SSC5D: variants seen among roughly 807,000 people sequenced by gnomAD.
SSC5D encodes the protein scavenger receptor cysteine rich family member with 5 domains.
Under a neutral mutation model 104.6 loss-of-function variants are expected in SSC5D, and 106 were observed. The ratio of observed to expected loss-of-function variants is 1.01; its 90% CI spans 0.87 to 1.19. The LOEUF is 1.19. Ranked by LOEUF, SSC5D falls within the 50% of genes most tolerant of loss-of-function variation. The probability of loss-of-function intolerance (pLI) is 0.00; values close to 1 mark genes in which losing one functional copy is unlikely to be tolerated. For missense variants in SSC5D, 1,993 were observed against 2,153.8 expected, an observed-to-expected ratio of 0.93 and a Z score of 1.48; for synonymous variants, 860 against 883.5, an observed-to-expected ratio of 0.97 and a Z score of 0.47.
Position 55,488,731 on chromosome 19 carries a change from C to T in SSC5D, c.25+117C>T, listed in dbSNP as rs951179920. 19 of 897,134 alleles carry T rather than the reference C, an allele frequency of 2.1e-5. No homozygotes were observed. In the African/African-American group the frequency reaches 2.3e-4, roughly 11 times the overall value. 55.6% of individuals were successfully genotyped at this position (897,134 alleles called of 1,614,324 possible). ...GACTGGTCGCTGGTGCTCCTGCATA[C>T]CCTGACATCCCTTCTGAGGATCCCT... On this transcript the variant is annotated intron_variant, in intron 1 of 13. Coordinates refer to ENST00000389623, the MANE Select transcript of SSC5D (RefSeq NM_001144950.2).
intron 8 of SSC5D, among the ~76,000 whole-genome samples, chr19:55,496,915 A>G (rs1175394268): frequency 6.6e-6 from 1 of 152,146 alleles, no homozygotes; most frequent in Non-Finnish European, 1.5e-5. Context: ...CACCTGGCCC[A>G]TGCCTGGCTA....
At position 55,500,695 on chromosome 19, in the gene SSC5D, G is replaced by A. The variant is rs1471444673; in HGVS notation, c.2508G>A (p.Leu836=). 3 of 1,551,618 alleles carry A rather than the reference G, an allele frequency of 1.9e-6. No individual in the cohort carries two copies. Among genetic ancestry groups the A allele is most frequent in the Non-Finnish European group, 2.6e-6 (3 of 1,147,030 alleles). The part of the protein sequence containing the change: ...HYGPGTGPIW[L]DDMGCKGSEA... ...GCCCTGGGACTGGGCCCATCTGGCT[G>A]GATGACATGGGCTGTAAGGGAAGCG... Residue 836 remains leucine (L), a synonymous_variant, in exon 11 of 14, where the codon CTG becomes CTA. Coordinates refer to ENST00000389623, the MANE Select transcript of SSC5D (RefSeq NM_001144950.2). This position sits in a 1 kb window ranked among gnomAD's most constrained non-coding sequence, Gnocchi z 4.6.
intron 12 of SSC5D, among the ~76,000 whole-genome samples, chr19:55,506,198 G>A (rs901055031): frequency 6.6e-6 from 1 of 151,594 alleles, no homozygotes; most frequent in East Asian, 1.9e-4. Flanking sequence ...ATCTTTGGGC[G>A]AGGGGCATAT....
At chr19:55,489,847 T>C (rs1220036014) in intron 3 of SSC5D, 35 bp from the exon 4 acceptor site, 3 of 1,534,294 alleles carry the variant, frequency 2.0e-6, no homozygotes, top group Admixed American at 2.0e-5. Context: ...TCCCCTCCTC[T>C]CCTCATAGCT....
chr19:55,498,200 A>T lies in SSC5D; in HGVS notation c.1705+3A>T. On this transcript the variant is annotated splice_donor_region_variant and intron_variant, in intron 9 of 13. Coordinates refer to ENST00000389623, the MANE Select transcript of SSC5D (RefSeq NM_001144950.2). ...GGATGTTGGGGTCACCTGCACTGGT[A>T]AGGAGGCCCTAGCTATCTGTTGACT... 1.3e-6 allele frequency: 2 copies of T among 1,551,628 alleles called. No homozygotes were observed. The highest frequency in any genetic ancestry group is 1.7e-6 in the Non-Finnish European group (2 of 1,146,928).
In SSC5D at chr19:55,513,846, A is replaced by G. The variant is rs188773920; in HGVS notation, c.2947+674A>G. Among the ~76,000 whole-genome samples, 25 of 152,358 alleles carry G rather than the reference A, an allele frequency of 1.6e-4. 1 individual carries two copies. In the East Asian group the frequency reaches 4.4e-3, roughly 27 times the overall value. On this transcript the variant is annotated intron_variant, in intron 13 of 13. Transcript: ENST00000389623. Reference sequence around the variant, plus strand: ...AACCCCAGCCTAGATGGCATAAGTCACTGTGACAAATAGGAAAATGATAGG... The same window carrying G: ...AACCCCAGCCTAGATGGCATAAGTCGCTGTGACAAATAGGAAAATGATAGG...
chr19:55,513,550 C>G (rs904397358), intron 13 of SSC5D, among the ~76,000 whole-genome samples: 2 of 152,038 alleles, frequency 1.3e-5, no homozygotes, highest in Admixed American at 6.6e-5. Context: ...AGCCTGGGTG[C>G]CAGAGCGAGA....
At position 55,518,339 on chromosome 19, in the gene SSC5D, G is replaced by C. The variant is rs1987941589; in HGVS notation, c.4063G>C (p.Ala1355Pro). ...LGTELSSPTL[A>P]PTVKPSLHPQ... The stretch of plus-strand genomic sequence containing the variant: ...GACAGAACTCTCCTCTCCCACTCTA[G>C]CACCAACAGTCAAGCCCAGTCTGCA... Residue 1355 changes from alanine (A) to proline (P), a missense_variant, in exon 14 of 14, where the codon GCA (alanine) becomes CCA (proline). Physicochemically the swap from Ala to Pro is conservative, Grantham distance 27. Coordinates refer to ENST00000389623, the MANE Select transcript of SSC5D (RefSeq NM_001144950.2). 6.5e-7 allele frequency: 1 copy of C among 1,545,996 alleles called. No homozygotes were observed. The highest frequency in any genetic ancestry group is 1.2e-5 in the South Asian group (1 of 83,980).
At chr19:55,501,979 T>C (rs1312857809) in intron 12 of SSC5D, among the ~76,000 whole-genome samples, 4 of 152,164 alleles carry the variant, frequency 2.6e-5, no homozygotes, top group Non-Finnish European at 5.9e-5. Flanking sequence ...CTCAGCTCAC[T>C]GCAGCCTTGA....
chr19:55,504,426 TAGC>T, intron 12 of SSC5D: 1 of 957,574 alleles, frequency 1.0e-6, no homozygotes, highest in South Asian at 2.7e-5. Context: ...CATGCATTCT[TAGC>T]TTCAGGAGCA....
chr19:55,508,262 G>A (rs1039988396), intron 12 of SSC5D, among the ~76,000 whole-genome samples: 4 of 152,170 alleles, frequency 2.6e-5, no homozygotes, highest in Non-Finnish European at 4.4e-5. Flanking sequence ...GGGGAGACCC[G>A]TGCTTGGGGT....
At chr19:55,514,598 TAA>T (rs34453728) in intron 13 of SSC5D, among the ~76,000 whole-genome samples, 39 of 123,956 alleles carry the variant, frequency 3.1e-4, no homozygotes, top group African/African-American at 4.7e-4. Flanking sequence ...AAGACTCTGT[TAA>T]AAAAAAAAAA....
chr19:55,518,301 C>T lies in SSC5D; in HGVS notation c.4025C>T (p.Pro1342Leu), dbSNP rs958692065. ...CCTGTCATCACTACTGTGTCCCTTC[C>T]AACCTCCTTGGGGACAGAACTCTCC... is the stretch of plus-strand genomic sequence containing the variant. Reference protein sequence around the residue: ...STPVITTVSLPTSLGTELSSP... With the variant: ...STPVITTVSLLTSLGTELSSP... Residue 1342 changes from proline to leucine, a missense_variant, in exon 14 of 14, where the codon CCA (proline) becomes CTA (leucine). Around this residue, in one of 6 missense-constraint regions of SSC5D, gnomAD observed 349 missense variants for 397.6 expected, o/e 0.88. Transcript: ENST00000389623. 1.8e-5 allele frequency: 28 copies of T among 1,539,890 alleles called. No homozygotes were observed. The African/African-American group carries it at 3.5e-4, about 20-fold the overall frequency.
At chr19:55,510,281 G>A (rs374733759) in intron 12 of SSC5D, among the ~76,000 whole-genome samples, 1 of 152,320 alleles carries the variant, frequency 6.6e-6, no homozygotes, top group South Asian at 2.1e-4. Context: ...TTACAGGCGT[G>A]AGCCGCCGTG....
At position 55,490,398 on chromosome 19, in the gene SSC5D, C is replaced by T. The variant is rs768774669; in HGVS notation, c.576C>T (p.Ala192=). ...GGGCCCCTCTGCTGACGACAGGAGC[C>T]CCCCGCCAAGGTAAGCTCCCTGCAG... ...STRAPLLTTG[A]PRQERLRLVS... is the part of the protein sequence containing the mutation. Residue 192 remains alanine (A), a synonymous_variant, in exon 5 of 14, where the codon GCC becomes GCT. Coordinates refer to ENST00000389623, the MANE Select transcript of SSC5D (RefSeq NM_001144950.2). 7.1e-7 allele frequency: 1 copy of T among 1,414,676 alleles called. No individual in the cohort carries two copies. The highest frequency in any genetic ancestry group is 1.3e-5 in the South Asian group (1 of 78,454). The allele number at this position is 1,414,676 out of a possible 1,614,324, so 87.6% of individuals were successfully genotyped here.
At chr19:55,516,851 C>T (rs1272477494) in intron 13 of SSC5D, among the ~76,000 whole-genome samples, 1 of 152,154 alleles carries the variant, frequency 6.6e-6, no homozygotes, top group African/African-American at 2.4e-5. Context: ...CCCAGTCCCC[C>T]GCTGGCTCAG....
chr19:55,518,999 C>T lies in SSC5D; in HGVS notation c.*1C>T. ...AAGACCCCTGAGGGGAGACGTGTGA[C>T]CCTCTCCAGGATTTGAGGGGCTTAA... On this transcript the variant is annotated 3_prime_UTR_variant, in exon 14 of 14. Transcript: ENST00000389623. 6.5e-7 allele frequency: 1 copy of T among 1,550,210 alleles called. No homozygotes were observed.
Position 55,518,145 on chromosome 19 carries a change from C to T in SSC5D, c.3869C>T (p.Thr1290Ile). 7.0e-7 allele frequency: 1 copy of T among 1,438,484 alleles called. No homozygotes were observed. 89.1% of individuals were successfully genotyped at this position (1,438,484 alleles called of 1,614,324 possible). A position where few individuals can be genotyped will look rare whatever the true frequency, so the allele number is the denominator to read the frequency against. ...CACCCCACCACGACTCCTCACCCCACCACAACCCCTCACCCCACCACAACC... is the reference window on the plus strand; with the variant it reads ...CACCCCACCACGACTCCTCACCCCATCACAACCCCTCACCCCACCACAACC... ...TPHPTTTPHP[T>I]TTPHPTTTPH... Residue 1290 changes from threonine to isoleucine, a missense_variant, in exon 14 of 14, where the codon ACC becomes ATC. This residue lies in a region of SSC5D where 349 missense variants were observed against 397.6 expected (regional missense o/e 0.88). Transcript: ENST00000389623.
In SSC5D at chr19:55,500,846, C is replaced by T; in HGVS notation, c.2617+42C>T. 6.5e-7 allele frequency: 1 copy of T among 1,526,998 alleles called. No homozygotes were observed. Among genetic ancestry groups the T allele is most frequent in the Non-Finnish European group, 8.8e-7 (1 of 1,132,860 alleles). The allele number at this position is 1,526,998 out of a possible 1,614,324, so 94.6% of individuals were successfully genotyped here. ...GCGGTGGTGGGGTTGTCGGGGGTGG[C>T]CAGGAGAATGGAGTCAGGGTGGGGC... On this transcript the variant is annotated intron_variant, in intron 11 of 13. Transcript: ENST00000389623. The surrounding 1 kb of genome is among the most constrained non-coding windows in gnomAD (Gnocchi z 4.6).
Sources: gnomAD v4.1 joint callset for allele counts (sites outside exome capture counted in the v4.1 genomes callset) on GRCh38, gnomAD v4.1.1 for gene constraint, gnomAD v4.1.1 regional missense constraint, Gnocchi (gnomAD v3.1) non-coding constraint, MANE v1.5 for transcripts, NCBI Gene and HGNC (gene_info 2026-07-23, HGNC 2026-07-21) for gene names.